HS3ST3B1: variants seen among roughly 807,000 people sequenced by gnomAD.
HS3ST3B1 encodes heparan sulfate glucosamine 3-O-sulfotransferase 3B1.
Under a neutral mutation model 21.3 loss-of-function variants are expected in HS3ST3B1, and 13 were observed. The observed-to-expected ratio is 0.61, with a 90% confidence interval of 0.40 to 0.97. HS3ST3B1 has a LOEUF of 0.97. Ranked by LOEUF, HS3ST3B1 falls within the 50% of genes least tolerant of loss-of-function variation. The probability of loss-of-function intolerance (pLI) is 0.00; values close to 1 mark genes in which losing one functional copy is unlikely to be tolerated. For synonymous variants in HS3ST3B1, 234 were observed against 254.8 expected, an observed-to-expected ratio of 0.92 and a Z score of 0.78; for missense variants, 459 against 554.8, an observed-to-expected ratio of 0.83 and a Z score of 1.73.
At chr17:14,308,597 C>T (rs186843687) in intron 1 of HS3ST3B1, among the ~76,000 whole-genome samples, 1 of 152,042 alleles carries the variant, frequency 6.6e-6, no homozygotes, top group East Asian at 1.9e-4. Context: ...GAGTACTGTC[C>T]GAGAGGAGTT....
chr17:14,341,909 A>G (rs1910396868), intron 1 of HS3ST3B1, among the ~76,000 whole-genome samples: 1 of 152,206 alleles, frequency 6.6e-6, no homozygotes. Context: ...TTAATCCTCA[A>G]TCACATTAGC....
At chr17:14,324,188 T>C (rs544455822) in intron 1 of HS3ST3B1, among the ~76,000 whole-genome samples, 2 of 152,254 alleles carry the variant, frequency 1.3e-5, no homozygotes, top group South Asian at 4.1e-4. Flanking sequence ...ACGTAAATCT[T>C]CATTTGTTTA....
intron 1 of HS3ST3B1, among the ~76,000 whole-genome samples, chr17:14,330,172 C>T (rs57427082): frequency 0.04 from 6,139 of 152,278 alleles, 262 homozygotes; most frequent in Admixed American, 0.14. Context: ...ATGACACCTC[C>T]TGGGGGTGGT....
chr17:14,304,219 C>A (rs1164273614), intron 1 of HS3ST3B1: 1 of 152,170 alleles, frequency 6.6e-6, no homozygotes, highest in Non-Finnish European at 1.5e-5. Flanking sequence ...TCTTCGTCCT[C>A]CCGAGCCATC....
intron 1 of HS3ST3B1, among the ~76,000 whole-genome samples, chr17:14,342,418 A>G (rs970762101): frequency 3.6e-4 from 54 of 151,920 alleles, no homozygotes; most frequent in African/African-American, 1.2e-3. Flanking sequence ...TAGATCTGTG[A>G]TCAAAGCTTA....
rs929375561 is a variant in HS3ST3B1 at position 14,320,265 on chromosome 17, G to A, written c.554+18193G>A. On this transcript the variant is annotated intron_variant, in intron 1 of 1. Coordinates refer to ENST00000360954, the MANE Select transcript of HS3ST3B1 (RefSeq NM_006041.3). ...AGGGAGAATTTCAATCTATCTAGGCGGGATGGGGCGCTGCACTGGGAAGGC... is the reference window on the plus strand; with the variant it reads ...AGGGAGAATTTCAATCTATCTAGGCAGGATGGGGCGCTGCACTGGGAAGGC... 5.9e-5 allele frequency among the ~76,000 whole-genome samples: 9 copies of A among 152,144 alleles called. No individual in the cohort carries two copies. The South Asian group carries it at 6.2e-4, about 11-fold the overall frequency.
chr17:14,328,506 A>G (rs900427335), intron 1 of HS3ST3B1: 1 of 152,206 alleles, frequency 6.6e-6, no homozygotes, highest in Non-Finnish European at 1.5e-5. Context: ...GATGATGTCC[A>G]ATTAGAGTTT....
chr17:14,313,077 T>G (rs1050082157), intron 1 of HS3ST3B1, among the ~76,000 whole-genome samples: 3 of 142,142 alleles, frequency 2.1e-5, no homozygotes, highest in Non-Finnish European at 3.0e-5. Flanking sequence ...CAGCTAATTA[T>G]TGTGTGTGTG....
At chr17:14,331,702 C>T (rs1343378342) in intron 1 of HS3ST3B1, among the ~76,000 whole-genome samples, 1 of 152,152 alleles carries the variant, frequency 6.6e-6, no homozygotes, top group African/African-American at 2.4e-5. Flanking sequence ...GATCCTGCTG[C>T]GAAACCTGAA....
chr17:14,302,920 A>T (rs1032698339), intron 1 of HS3ST3B1, among the ~76,000 whole-genome samples: 19 of 152,234 alleles, frequency 1.2e-4, no homozygotes, highest in African/African-American at 4.3e-4. Context: ...GGGCCCATTG[A>T]TTGAGAAATG....
chr17:14,326,952 A>G (rs1316659315), intron 1 of HS3ST3B1, among the ~76,000 whole-genome samples: 1 of 151,212 alleles, frequency 6.6e-6, no homozygotes, highest in Admixed American at 6.6e-5. Context: ...AAAAAGAAGA[A>G]GAAGAAGAAG....
intron 1 of HS3ST3B1, among the ~76,000 whole-genome samples, chr17:14,331,821 G>A (rs1910023143): frequency 6.6e-6 from 1 of 152,082 alleles, no homozygotes; most frequent in Non-Finnish European, 1.5e-5. Context: ...ATTATTTATG[G>A]AGATGTGGGC....
At chr17:14,304,162 A>C (rs1477753100) in intron 1 of HS3ST3B1, 1 of 152,100 alleles carries the variant, frequency 6.6e-6, no homozygotes, top group East Asian at 1.9e-4. Flanking sequence ...TGGCGGCTGG[A>C]CCCGGGCGGC....
chr17:14,313,077 T>TTGTGTGTG (rs71147856), intron 1 of HS3ST3B1, among the ~76,000 whole-genome samples: 1 of 142,142 alleles, frequency 7.0e-6, no homozygotes, highest in African/African-American at 2.7e-5. Context: ...CAGCTAATTA[T>TTGTGTGTG]TGTGTGTGTG....
intron 1 of HS3ST3B1, among the ~76,000 whole-genome samples, chr17:14,333,181 T>A (rs1282798656): frequency 6.6e-6 from 1 of 151,890 alleles, no homozygotes; most frequent in Non-Finnish European, 1.5e-5. Context: ...TAAAAACAGA[T>A]TTTAGGCCGG....
chr17:14,301,415 C>A lies in HS3ST3B1; in HGVS notation c.-104C>A. 2.8e-6 allele frequency: 3 copies of A among 1,080,726 alleles called. No individual in the cohort carries two copies. Among genetic ancestry groups the A allele is most frequent in the Non-Finnish European group, 3.7e-6 (3 of 817,432 alleles). 66.9% of individuals were successfully genotyped at this position (1,080,726 alleles called of 1,614,324 possible). A position where few individuals can be genotyped will look rare whatever the true frequency, so the allele number is the denominator to read the frequency against. On this transcript the variant is annotated 5_prime_UTR_variant, in exon 1 of 2. Transcript: ENST00000360954. Reference sequence around the variant, plus strand: ...GGCACACGGGGGCAATAAACCGAGCCACCCGGGCGTCCAGCGTGCCGGGGA... The same window carrying A: ...GGCACACGGGGGCAATAAACCGAGCAACCCGGGCGTCCAGCGTGCCGGGGA...
chr17:14,337,113 T>C (rs1234808475), intron 1 of HS3ST3B1, among the ~76,000 whole-genome samples: 1 of 152,192 alleles, frequency 6.6e-6, no homozygotes, highest in African/African-American at 2.4e-5. Context: ...TGTCTGTTTT[T>C]CTTCTGCTTA....
At chr17:14,334,949 T>C (rs952220887) in intron 1 of HS3ST3B1, among the ~76,000 whole-genome samples, 2 of 151,882 alleles carry the variant, frequency 1.3e-5, no homozygotes, top group Non-Finnish European at 2.9e-5. Context: ...GCTGGGAACA[T>C]GTTTTGCTTT....
In HS3ST3B1 at chr17:14,303,482, A is replaced by G. The variant is rs181402790; in HGVS notation, c.554+1410A>G. ...CGAGGTTTAGCCAACCGTGACAGTC[A>G]TCTTTCCCACCGTTCCCGGGCTGTG... On this transcript the variant is annotated intron_variant, in intron 1 of 1. Transcript: ENST00000360954. The surrounding 1 kb of genome is among the most constrained non-coding windows in gnomAD (Gnocchi z 5.7). Among the ~76,000 whole-genome samples, 297 of 152,186 alleles carry G rather than the reference A, an allele frequency of 2.0e-3. 1 individual carries two copies. Among genetic ancestry groups the G allele is most frequent in the Non-Finnish European group, 2.8e-3 (189 of 68,014 alleles).
Sources: gnomAD v4.1 joint callset for allele counts (sites outside exome capture counted in the v4.1 genomes callset) on GRCh38, gnomAD v4.1.1 for gene constraint, Gnocchi (gnomAD v3.1) non-coding constraint, MANE v1.5 for transcripts, NCBI Gene and HGNC (gene_info 2026-07-23, HGNC 2026-07-21) for gene names.